Variants in IL1RAPL2 observed in about 807,000 individuals in gnomAD.
The protein encoded by IL1RAPL2 is X-linked interleukin-1 receptor accessory protein-like 2.
IL1RAPL2 carries 3 observed loss-of-function variants against 44.1 expected under a neutral mutation model. The observed-to-expected ratio is 0.07, with a 90% CI of 0.03 to 0.18. The LOEUF is 0.18. Ranked by LOEUF, IL1RAPL2 falls within the 10% of genes least tolerant of loss-of-function variation. The pLI is 1.00. For synonymous variants in IL1RAPL2, 181 were observed against 178.8 expected (o/e 1.01, Z -0.10); for missense variants, 391 against 496.4 (o/e 0.79, Z 2.02).
intron 2 of IL1RAPL2, among the ~76,000 whole-genome samples, chrX:105,076,849 G>A (rs1480463964): frequency 1.8e-5 from 2 of 110,593 alleles, no homozygotes; most frequent in African/African-American, 3.3e-5. Flanking sequence ...TGTTTTATCC[G>A]AGACTAGGAT....
chrX:104,792,947 T>C (rs943290469), intron 2 of IL1RAPL2, among the ~76,000 whole-genome samples: 1 of 112,290 alleles, frequency 8.9e-6, no homozygotes, highest in Non-Finnish European at 1.9e-5. Context: ...AGCTGTCTTG[T>C]ATTATTTCTC....
intron 1 of IL1RAPL2, among the ~76,000 whole-genome samples, chrX:104,630,100 C>T (rs959317290): frequency 9.1e-6 from 1 of 109,608 alleles, no homozygotes; most frequent in Non-Finnish European, 1.9e-5. Context: ...TCCCCTGCCT[C>T]AGCCTCCATA....
intron 6 of IL1RAPL2, among the ~76,000 whole-genome samples, chrX:105,626,136 G>T (rs2037451377): frequency 9.0e-6 from 1 of 111,726 alleles, no homozygotes; most frequent in African/African-American, 3.3e-5. Flanking sequence ...CAGCATAGGA[G>T]GAACCTGACA....
intron 6 of IL1RAPL2, among the ~76,000 whole-genome samples, chrX:105,613,764 G>A (rs2037353186): frequency 8.9e-6 from 1 of 111,908 alleles, no homozygotes; most frequent in Non-Finnish European, 1.9e-5. Flanking sequence ...GCAGAAAGGG[G>A]AGGGAAGAGT....
At chrX:104,883,168 C>G (rs182636257) in intron 2 of IL1RAPL2, among the ~76,000 whole-genome samples, 10 of 111,803 alleles carry the variant, frequency 8.9e-5, no homozygotes, top group African/African-American at 2.9e-4. Context: ...AAGGGACTAT[C>G]ACCTATCGCC....
At chrX:105,690,763 A>T (rs2038028681) in intron 6 of IL1RAPL2, among the ~76,000 whole-genome samples, 1 of 111,928 alleles carries the variant, frequency 8.9e-6, no homozygotes, top group South Asian at 3.7e-4. Flanking sequence ...ATCCTCTAAG[A>T]TACTTTATAT....
chrX:104,686,755 A>T (rs962319828), intron 2 of IL1RAPL2, among the ~76,000 whole-genome samples: 4 of 112,419 alleles, frequency 3.6e-5, no homozygotes, highest in Non-Finnish European at 5.6e-5. Context: ...GTTGCTTATC[A>T]GGCAAGACAG....
At chrX:105,681,636 T>G (rs1053617154) in intron 6 of IL1RAPL2, among the ~76,000 whole-genome samples, 5 of 111,032 alleles carry the variant, frequency 4.5e-5, no homozygotes, top group Non-Finnish European at 9.4e-5. Context: ...CAGGTGCCTA[T>G]AATCCCAACT....
intron 7 of IL1RAPL2, among the ~76,000 whole-genome samples, chrX:105,725,539 T>A (rs1385851822): frequency 1.8e-5 from 2 of 111,411 alleles, no homozygotes; most frequent in African/African-American, 6.5e-5. Flanking sequence ...GCATGAAAAT[T>A]TTTATTCTTA....
rs140818337 is a variant in IL1RAPL2, at chrX:105,462,854, C to T, written c.698-21459C>T. ...CCAGCACACATGGTCTTTTGCCCAA[C>T]TCACTTCACACTACTCATCTTTGGT... On this transcript the variant is annotated intron_variant, in intron 5 of 10. Transcript: ENST00000372582. 5.5e-3 allele frequency among the ~76,000 whole-genome samples: 612 copies of T among 110,789 alleles called. 5 individuals carry two copies. Among genetic ancestry groups the T allele is most frequent in the African/African-American group, 0.019 (569 of 30,519 alleles).
chrX:105,394,398 A>G (rs754094757), intron 5 of IL1RAPL2, among the ~76,000 whole-genome samples: 1 of 111,579 alleles, frequency 9.0e-6, no homozygotes, highest in South Asian at 3.8e-4. Context: ...TCTAAAATCT[A>G]CAAAGAACTG....
At chrX:105,378,895 T>C (rs2147722022) in intron 5 of IL1RAPL2, among the ~76,000 whole-genome samples, 1 of 112,104 alleles carries the variant, frequency 8.9e-6, no homozygotes, top group African/African-American at 3.2e-5. Context: ...AGCATCACAA[T>C]AGACATTGTA....
chrX:104,976,417 A>G (rs2030335756), intron 2 of IL1RAPL2, among the ~76,000 whole-genome samples: 1 of 112,274 alleles, frequency 8.9e-6, no homozygotes, highest in African/African-American at 3.2e-5. Flanking sequence ...AGTATTTGCC[A>G]GTGAATGAAA....
intron 9 of IL1RAPL2, among the ~76,000 whole-genome samples, chrX:105,751,492 T>C (rs2038597309): frequency 2.7e-5 from 3 of 111,443 alleles, no homozygotes; most frequent in Non-Finnish European, 5.7e-5. Flanking sequence ...TATGCTGATA[T>C]GATATAATTT....
At chrX:104,941,917 T>G (rs191130074) in intron 2 of IL1RAPL2, among the ~76,000 whole-genome samples, 89 of 111,968 alleles carry the variant, frequency 7.9e-4, no homozygotes, top group Admixed American at 3.0e-3. Context: ...TTTCTACATA[T>G]GGCTAGCCAG....
At chrX:105,398,402 A>C (rs2035580384) in intron 5 of IL1RAPL2, among the ~76,000 whole-genome samples, 1 of 110,949 alleles carries the variant, frequency 9.0e-6, no homozygotes, top group Non-Finnish European at 1.9e-5. Flanking sequence ...GCTTCACAAT[A>C]AAAGAGGGTA....
chrX:104,580,588 G>A (rs1385307815), intron 1 of IL1RAPL2, among the ~76,000 whole-genome samples: 1 of 111,922 alleles, frequency 8.9e-6, no homozygotes, highest in African/African-American at 3.3e-5. Context: ...GCTGATGGGG[G>A]TTTAACTCTT....
At chrX:105,323,902 A>G (rs1603065816) in intron 5 of IL1RAPL2, among the ~76,000 whole-genome samples, 1 of 110,757 alleles carries the variant, frequency 9.0e-6, no homozygotes, top group South Asian at 3.8e-4. Context: ...ACACAGACAC[A>G]CACACACACA....
chrX:105,411,819 A>G (rs1400882545), intron 5 of IL1RAPL2, among the ~76,000 whole-genome samples: 1 of 112,231 alleles, frequency 8.9e-6, no homozygotes, highest in Non-Finnish European at 1.9e-5. Flanking sequence ...ACAAACATTT[A>G]CAGAACATTC....
Sources: allele counts gnomAD v4.1 joint callset (sites outside exome capture counted in the v4.1 genomes callset), GRCh38; gene constraint gnomAD v4.1.1; transcripts MANE v1.5; gene names NCBI Gene and HGNC (gene_info 2026-07-23, HGNC 2026-07-21).